CTIF: variants seen among roughly 807,000 people sequenced by gnomAD.
CTIF encodes the protein cap binding complex dependent translation initiation factor.
CTIF carries 21 observed loss-of-function variants against 66.0 expected under a neutral mutation model. That is an observed-to-expected ratio of 0.32 (90% confidence interval 0.23 to 0.46). The LOEUF is 0.46. Ranked by LOEUF, CTIF falls within the 20% of genes least tolerant of loss-of-function variation. The pLI is 1.00. For missense variants in CTIF, 739 were observed against 812.7 expected, an observed-to-expected ratio of 0.91 and a Z score of 1.10; for synonymous variants, 345 against 326.4, an observed-to-expected ratio of 1.06 and a Z score of -0.62.
At chr18:48,587,789 C>T (rs1164350650) in intron 1 of CTIF, among the ~76,000 whole-genome samples, 1 of 151,876 alleles carries the variant, frequency 6.6e-6, no homozygotes, top group African/African-American at 2.4e-5. Context: ...TAGATTTTTT[C>T]TTTAGCATCT....
intron 10 of CTIF, among the ~76,000 whole-genome samples, chr18:48,852,192 T>A (rs1169918243): frequency 7.6e-6 from 1 of 131,924 alleles, no homozygotes; most frequent in Admixed American, 9.4e-5. Context: ...TATGATTGTA[T>A]CACTGCACTC....
chr18:48,588,689 G>A (rs1482047787), intron 1 of CTIF, among the ~76,000 whole-genome samples: 1 of 152,084 alleles, frequency 6.6e-6, no homozygotes, highest in Admixed American at 6.5e-5. Context: ...GCCTCCTACA[G>A]TCTCTCCTGC....
chr18:48,704,111 G>A (rs889273978), intron 6 of CTIF, among the ~76,000 whole-genome samples: 3 of 152,160 alleles, frequency 2.0e-5, no homozygotes, highest in African/African-American at 4.8e-5. Context: ...GGAGCACCAC[G>A]GGGTCTATGG....
At chr18:48,717,258 G>A (rs2145535385) in intron 7 of CTIF, among the ~76,000 whole-genome samples, 1 of 152,138 alleles carries the variant, frequency 6.6e-6, no homozygotes, top group East Asian at 1.9e-4. Context: ...AATTAGCCGA[G>A]CGTGGTGGTG....
At chr18:48,781,930 T>C (rs971580406) in intron 9 of CTIF, among the ~76,000 whole-genome samples, 2 of 152,192 alleles carry the variant, frequency 1.3e-5, no homozygotes, top group African/African-American at 2.4e-5. Flanking sequence ...GAAAATAGTT[T>C]GTAAACTGTA....
At chr18:48,626,828 T>C (rs555171991) in intron 2 of CTIF, among the ~76,000 whole-genome samples, 12 of 152,170 alleles carry the variant, frequency 7.9e-5, no homozygotes, top group African/African-American at 1.9e-4. Context: ...GCTAATTTTT[T>C]GTATTTTTAG....
At chr18:48,636,534 G>A (rs749921245) in intron 2 of CTIF, 80 bp from the exon 3 acceptor site, 80 of 1,075,696 alleles carry the variant, frequency 7.4e-5, no homozygotes, top group Non-Finnish European at 9.4e-5. Flanking sequence ...GGAAGGCCAG[G>A]GCACAACTCC....
chr18:48,611,711 A>G (rs1366328008), intron 1 of CTIF, among the ~76,000 whole-genome samples: 1 of 152,230 alleles, frequency 6.6e-6, no homozygotes, highest in African/African-American at 2.4e-5. Flanking sequence ...TTTCGGAAGC[A>G]GTGCTCCCGG....
chr18:48,586,649 A>G (rs1462664194), intron 1 of CTIF, among the ~76,000 whole-genome samples: 2 of 152,198 alleles, frequency 1.3e-5, no homozygotes, highest in Non-Finnish European at 2.9e-5. Flanking sequence ...TTTTTCAGGA[A>G]TTTATAACCT....
At chr18:48,806,474 C>T (rs1460753102) in intron 9 of CTIF, among the ~76,000 whole-genome samples, 1 of 152,174 alleles carries the variant, frequency 6.6e-6, no homozygotes, top group African/African-American at 2.4e-5. Flanking sequence ...TCACTGGGGG[C>T]ATAGCGTTTG....
intron 1 of CTIF, among the ~76,000 whole-genome samples, chr18:48,577,356 G>A (rs1306718394): frequency 2.6e-5 from 4 of 152,094 alleles, no homozygotes; most frequent in African/African-American, 4.8e-5. Flanking sequence ...GCTGAGATGC[G>A]CCGTTCCTTC....
chr18:48,782,979 C>G (rs1277400667), intron 9 of CTIF, among the ~76,000 whole-genome samples: 1 of 152,260 alleles, frequency 6.6e-6, no homozygotes, highest in East Asian at 1.9e-4. Flanking sequence ...CTCCCCTGCC[C>G]AGGCCTGGCT....
intron 10 of CTIF, among the ~76,000 whole-genome samples, chr18:48,842,411 G>A (rs1429979425): frequency 2.0e-5 from 3 of 152,224 alleles, no homozygotes; most frequent in East Asian, 3.8e-4. Context: ...GAGTGCTAGA[G>A]GGAATACGGG....
chr18:48,685,853 T>G (rs548155875), intron 6 of CTIF, among the ~76,000 whole-genome samples: 85 of 152,064 alleles, frequency 5.6e-4, no homozygotes, highest in African/African-American at 1.6e-3. Context: ...ATTTTTGTAT[T>G]TTTAGTAGAG....
At chr18:48,669,841 A>ATGTTT (rs2091499368) in intron 5 of CTIF, among the ~76,000 whole-genome samples, 1 of 116,502 alleles carries the variant, frequency 8.6e-6, no homozygotes, top group South Asian at 2.8e-4. Context: ...ATATATATAT[A>ATGTTT]AGCTAGACTA....
At chr18:48,699,969 G>A (rs1006926864) in intron 6 of CTIF, among the ~76,000 whole-genome samples, 1 of 152,216 alleles carries the variant, frequency 6.6e-6, no homozygotes, top group Non-Finnish European at 1.5e-5. Context: ...CTCCACACTG[G>A]CTCGGCAGAT....
chr18:48,834,043 C>CTCCCT (rs1477242632), intron 10 of CTIF, among the ~76,000 whole-genome samples: 1 of 152,152 alleles, frequency 6.6e-6, no homozygotes, highest in Non-Finnish European at 1.5e-5. Context: ...TTCCCCTCCC[C>CTCCCT]TCCCCTCCCG....
chr18:48,584,733 C>T (rs2089730659), intron 1 of CTIF, among the ~76,000 whole-genome samples: 1 of 152,224 alleles, frequency 6.6e-6, no homozygotes, highest in Non-Finnish European at 1.5e-5. Context: ...CAAGCTCTCC[C>T]ATCTCTGACG....
chr18:48,706,943 G>C (rs1446931086), intron 6 of CTIF, among the ~76,000 whole-genome samples: 1 of 152,220 alleles, frequency 6.6e-6, no homozygotes, highest in African/African-American at 2.4e-5. Flanking sequence ...ACTGCAGCCA[G>C]GTCTCAGAGC....
Sources: allele counts gnomAD v4.1 joint callset (sites outside exome capture counted in the v4.1 genomes callset), GRCh38; gene constraint gnomAD v4.1.1; transcripts MANE v1.5; gene names NCBI Gene and HGNC (gene_info 2026-07-23, HGNC 2026-07-21).